DISC1: variants seen among roughly 807,000 people sequenced by gnomAD.
DISC1 encodes disrupted in schizophrenia 1 protein.
Under a neutral mutation model 84.5 loss-of-function variants are expected in DISC1, and 57 were observed. That is an observed-to-expected ratio of 0.67 (90% CI 0.55 to 0.84). DISC1 has a LOEUF of 0.84. DISC1 is among the 40% of genes least tolerant of loss of function. The pLI is 0.00. For missense variants in DISC1, 1,000 were observed against 1,057.8 expected, an observed-to-expected ratio of 0.95 and a Z score of 0.76; for synonymous variants, 411 against 415.2, an observed-to-expected ratio of 0.99 and a Z score of 0.12.
At chr1:232,005,408 AT>A in intron 10 of DISC1, among the ~76,000 whole-genome samples, 1 of 152,184 alleles carries the variant, frequency 6.6e-6, no homozygotes, top group Middle Eastern at 3.4e-3. Flanking sequence ...CACTTCTGTC[AT>A]CCATATTTTT....
intron 3 of DISC1, among the ~76,000 whole-genome samples, chr1:231,711,900 C>T (rs2067903501): frequency 3.3e-5 from 5 of 152,224 alleles, no homozygotes; most frequent in Non-Finnish European, 1.5e-5. Context: ...CATCCTACTC[C>T]TTGGAACCTG....
At chr1:231,839,378 A>G (rs1317492699) in intron 9 of DISC1, among the ~76,000 whole-genome samples, 1 of 152,214 alleles carries the variant, frequency 6.6e-6, no homozygotes, top group Non-Finnish European at 1.5e-5. Flanking sequence ...ACATGTAACA[A>G]TCTTGGCTTA....
chr1:232,004,965 C>T (rs1427921693), intron 10 of DISC1, among the ~76,000 whole-genome samples: 3 of 135,192 alleles, frequency 2.2e-5, no homozygotes, highest in African/African-American at 8.4e-5. Flanking sequence ...TCCTTCCTTC[C>T]TTCTTCCCTT....
At chr1:231,678,752 G>T (rs915993807) in intron 1 of DISC1, among the ~76,000 whole-genome samples, 1 of 152,100 alleles carries the variant, frequency 6.6e-6, no homozygotes, top group Non-Finnish European at 1.5e-5. Context: ...TGCAACTTCC[G>T]CCTCCCGAGT....
intron 4 of DISC1, among the ~76,000 whole-genome samples, chr1:231,753,670 C>T (rs1013338300): frequency 2.0e-5 from 3 of 152,220 alleles, no homozygotes; most frequent in Non-Finnish European, 4.4e-5. Flanking sequence ...TGAATTCCTC[C>T]CTCGAAAATG....
At chr1:231,944,405 T>C (rs1352162277) in intron 9 of DISC1, among the ~76,000 whole-genome samples, 1 of 152,236 alleles carries the variant, frequency 6.6e-6, no homozygotes, top group Non-Finnish European at 1.5e-5. Context: ...ATCCAATCAA[T>C]GCAGAGGCAT....
chr1:231,861,762 T>C (rs1289456496), intron 9 of DISC1, among the ~76,000 whole-genome samples: 1 of 152,174 alleles, frequency 6.6e-6, no homozygotes, highest in African/African-American at 2.4e-5. Flanking sequence ...TATGCTCTCT[T>C]ATTTCTTGCT....
chr1:231,725,604 C>A (rs1399170896), intron 3 of DISC1, among the ~76,000 whole-genome samples: 2 of 152,224 alleles, frequency 1.3e-5, no homozygotes, highest in African/African-American at 2.4e-5. Flanking sequence ...TGAGTTAGCC[C>A]TGCTCTGCGA....
intron 8 of DISC1, among the ~76,000 whole-genome samples, chr1:231,805,507 C>T (rs138424154): frequency 4.6e-5 from 7 of 152,180 alleles, no homozygotes; most frequent in Non-Finnish European, 5.9e-5. Context: ...GGAGGTGCCA[C>T]GCACTTTTAA....
At chr1:231,665,179 T>C (rs1442836851) in intron 1 of DISC1, among the ~76,000 whole-genome samples, 3 of 152,208 alleles carry the variant, frequency 2.0e-5, no homozygotes, top group Non-Finnish European at 4.4e-5. Context: ...TACATTGCTA[T>C]TGTGGTGAGC....
At chr1:231,774,195 A>G (rs537700834) in intron 6 of DISC1, among the ~76,000 whole-genome samples, 20 of 152,140 alleles carry the variant, frequency 1.3e-4, no homozygotes, top group Non-Finnish European at 2.6e-4. Flanking sequence ...TCGAGATTAC[A>G]GTGAACTATG....
chr1:231,889,244 A>G (rs937559092), intron 9 of DISC1, among the ~76,000 whole-genome samples: 1 of 152,154 alleles, frequency 6.6e-6, no homozygotes, highest in Non-Finnish European at 1.5e-5. Flanking sequence ...ATCCAGATGG[A>G]ATGACATGAG....
chr1:231,739,087 T>A (rs1392129566), intron 3 of DISC1, among the ~76,000 whole-genome samples: 1 of 152,170 alleles, frequency 6.6e-6, no homozygotes, highest in Admixed American at 6.5e-5. Context: ...TACTGAGGTG[T>A]CATTACTTAT....
intron 11 of DISC1, among the ~76,000 whole-genome samples, chr1:232,017,291 A>C (rs551024716): frequency 6.6e-6 from 1 of 152,152 alleles, no homozygotes; most frequent in Non-Finnish European, 1.5e-5. Context: ...GCCAGAGGAG[A>C]AGGAGTGAGA....
chr1:231,992,322 TC>T (rs1421594916), intron 10 of DISC1, among the ~76,000 whole-genome samples: 1 of 152,230 alleles, frequency 6.6e-6, no homozygotes, highest in African/African-American at 2.4e-5. Flanking sequence ...TTTTTTTTCT[TC>T]CTCTGCCTTT....
Position 231,954,605 on chromosome 1 carries a change from G to A in DISC1, c.1982-4223G>A, listed in dbSNP as rs759734864. On this transcript the variant is annotated intron_variant, in intron 9 of 12. Transcript: ENST00000439617. This position sits in a 1 kb window ranked among gnomAD's most constrained non-coding sequence, Gnocchi z 4.8. ...TTTTGTATTCAGCATTTCTTTGAGC[G>A]CCCTCTTTGCTTCTTGGAACCTTGC... Among the ~76,000 whole-genome samples, 7 of 152,052 alleles carry A rather than the reference G, an allele frequency of 4.6e-5. No individual in the cohort carries two copies. Among genetic ancestry groups the A allele is most frequent in the East Asian group, 1.9e-4 (1 of 5,186 alleles).
rs1344971311 is a variant in DISC1 at position 231,954,504 on chromosome 1, T to C, written c.1982-4324T>C. ...AGATTCCCTTAATAAACAGAAACAG[T>C]GAATGTGTTCCTGCTTCTTCCTGAT... On this transcript the variant is annotated intron_variant, in intron 9 of 12. Coordinates refer to ENST00000439617, the MANE Select transcript of DISC1 (RefSeq NM_018662.3). This position sits in a 1 kb window ranked among gnomAD's most constrained non-coding sequence, Gnocchi z 4.8. 1.3e-5 allele frequency among the ~76,000 whole-genome samples: 2 copies of C among 152,236 alleles called. No individual in the cohort carries two copies. The highest frequency in any genetic ancestry group is 6.5e-5 in the Admixed American group (1 of 15,286).
intron 8 of DISC1, among the ~76,000 whole-genome samples, chr1:231,808,269 A>G (rs888849068): frequency 1.3e-5 from 2 of 152,216 alleles, no homozygotes; most frequent in Non-Finnish European, 2.9e-5. Flanking sequence ...GAACCACCGT[A>G]CCAGTGAGAG....
intron 9 of DISC1, among the ~76,000 whole-genome samples, chr1:231,849,844 A>G (rs1416451195): frequency 1.3e-5 from 2 of 152,164 alleles, no homozygotes; most frequent in East Asian, 1.9e-4. Flanking sequence ...AGTTTCTCCT[A>G]TAGACTGTAA....
Sources: allele counts gnomAD v4.1 joint callset (sites outside exome capture counted in the v4.1 genomes callset), GRCh38; gene constraint gnomAD v4.1.1; non-coding constraint Gnocchi (gnomAD v3.1); transcripts MANE v1.5; gene names NCBI Gene and HGNC (gene_info 2026-07-23, HGNC 2026-07-21).